The following MAP3K5 variants were observed in gnomAD, a reference collection of about 807,000 sequenced individuals.
MAP3K5 encodes mitogen-activated protein kinase kinase kinase 5, also known as ASK-1.
A neutral mutation model predicts 158.7 loss-of-function variants in MAP3K5; 56 were observed. The ratio of observed to expected loss-of-function variants is 0.35; its 90% confidence interval spans 0.28 to 0.44. MAP3K5 has a LOEUF of 0.44. Among genes scored for constraint, MAP3K5 ranks in the 20% least tolerant of loss-of-function variants. The probability of loss-of-function intolerance (pLI) is 1.00; values close to 1 mark genes in which losing one functional copy is unlikely to be tolerated. For missense variants in MAP3K5, 1,294 were observed against 1,674.8 expected, an observed-to-expected ratio of 0.77 and a Z score of 3.97; for synonymous variants, 579 against 601.7, an observed-to-expected ratio of 0.96 and a Z score of 0.55.
chr6:136,731,898 A>C (rs1582602449), intron 1 of MAP3K5, among the ~76,000 whole-genome samples: 1 of 152,248 alleles, frequency 6.6e-6, no homozygotes. Flanking sequence ...TTAATGGGAC[A>C]GAAAGATCTA....
intron 1 of MAP3K5, among the ~76,000 whole-genome samples, chr6:136,722,424 T>C (rs1266701764): frequency 6.6e-6 from 1 of 152,086 alleles, no homozygotes; most frequent in Non-Finnish European, 1.5e-5. Flanking sequence ...AACTCAGCAA[T>C]GATAAAAACA....
At chr6:136,787,390 C>T (rs886519801) in intron 1 of MAP3K5, among the ~76,000 whole-genome samples, 16 of 152,210 alleles carry the variant, frequency 1.1e-4, no homozygotes, top group African/African-American at 3.9e-4. Flanking sequence ...ATGATATATA[C>T]AAGCAGTTCA....
chr6:136,573,563 C>T (rs545740744), intron 25 of MAP3K5, among the ~76,000 whole-genome samples: 2 of 152,206 alleles, frequency 1.3e-5, no homozygotes, highest in East Asian at 3.8e-4. Context: ...TTTGCAGTGA[C>T]TGAATCCAGT....
intron 1 of MAP3K5, among the ~76,000 whole-genome samples, chr6:136,765,903 T>C (rs1272309258): frequency 6.6e-6 from 1 of 152,082 alleles, no homozygotes; most frequent in Admixed American, 6.6e-5. Context: ...AAATAGTAAG[T>C]GGCAGAGCCA....
At chr6:136,661,841 C>T (rs949713685) in intron 8 of MAP3K5, among the ~76,000 whole-genome samples, 1 of 152,152 alleles carries the variant, frequency 6.6e-6, no homozygotes, top group Non-Finnish European at 1.5e-5. Context: ...ATACCTGACC[C>T]AATAATAGTT....
chr6:136,763,519 T>C (rs1434381095), intron 1 of MAP3K5, among the ~76,000 whole-genome samples: 1 of 152,186 alleles, frequency 6.6e-6, no homozygotes, highest in African/African-American at 2.4e-5. Flanking sequence ...CTATAGAAAC[T>C]GAAAATTTAC....
intron 14 of MAP3K5, among the ~76,000 whole-genome samples, chr6:136,628,903 C>T (rs1777174224): frequency 6.6e-6 from 1 of 151,842 alleles, no homozygotes; most frequent in Admixed American, 6.6e-5. Flanking sequence ...CTGGTTCAGC[C>T]TAGAAGGACA....
At chr6:136,588,753 C>T (rs1301283315) in intron 23 of MAP3K5, among the ~76,000 whole-genome samples, 1 of 152,156 alleles carries the variant, frequency 6.6e-6, no homozygotes, top group Non-Finnish European at 1.5e-5. Context: ...CACCGTGAGC[C>T]AAAGGAAAGG....
In MAP3K5 at chr6:136,561,642, A is replaced by G. The variant is rs1324774952; in HGVS notation, c.3878T>C (p.Ile1293Thr). 1.3e-6 allele frequency: 2 copies of G among 1,582,628 alleles called. No individual in the cohort carries two copies. Among genetic ancestry groups the G allele is most frequent in the South Asian group, 2.2e-5 (2 of 90,436 alleles). The change falls in exon 28 of 30, where the codon ATT becomes ACT. Residue 1293 changes from isoleucine (I) to threonine (T), a missense_variant. Physicochemically the swap from Ile to Thr is moderately conservative, Grantham distance 89. This residue lies in a region of MAP3K5 where 199 missense variants were observed against 220.3 expected (regional missense o/e 0.90). Transcript: ENST00000359015. Reference protein sequence around the residue: ...HLKLKSQPIEIPELPVFHLNS... With the variant: ...HLKLKSQPIETPELPVFHLNS... ...TAGATGAAATACAGGCAATTCAGGAATTTCTAGAACAGAATTTTGGGAAGA... is the reference window on the plus strand; with the variant it reads ...TAGATGAAATACAGGCAATTCAGGAGTTTCTAGAACAGAATTTTGGGAAGA...
At position 136,694,264 on chromosome 6, in the gene MAP3K5, GA is replaced by G. The variant is rs774897805; in HGVS notation, c.1128del (p.Met378TrpfsTer15). On this transcript the variant is annotated frameshift_variant, in exon 7 of 30. Coordinates refer to ENST00000359015, the MANE Select transcript of MAP3K5 (RefSeq NM_005923.4). LOFTEE classifies it high-confidence loss of function. ...ACTTGTCCTTCGCTTTGCACCATGG[GA>G]ATCATAATATCAAGAGCTTTTGCTC... ...GDRAKALDIMIPMVQSEGQVA... is the reference protein window; with the variant it reads ...GDRAKALDIMXPMVQSEGQVA... 6.2e-7 allele frequency: 1 copy of G among 1,613,186 alleles called. No homozygotes were observed. Among genetic ancestry groups the G allele is most frequent in the African/African-American group, 1.3e-5 (1 of 75,046 alleles).
At chr6:136,573,216 G>T (rs9402825) in intron 25 of MAP3K5, among the ~76,000 whole-genome samples, 3,157 of 152,298 alleles carry the variant, frequency 0.021, 58 homozygotes, top group East Asian at 0.073. Context: ...AGAACAAAAA[G>T]ATGGAGAAAG....
chr6:136,775,120 T>TA (rs374651330), intron 1 of MAP3K5, among the ~76,000 whole-genome samples: 2 of 151,484 alleles, frequency 1.3e-5, no homozygotes, highest in East Asian at 1.9e-4. Context: ...AAATATGAAT[T>TA]AAAAAAAAAT....
At chr6:136,628,174 C>T (rs1487461467) in intron 14 of MAP3K5, among the ~76,000 whole-genome samples, 1 of 151,650 alleles carries the variant, frequency 6.6e-6, no homozygotes. Flanking sequence ...TGCAGTGGTG[C>T]CATCATAGCT....
intron 2 of MAP3K5, among the ~76,000 whole-genome samples, chr6:136,717,360 AT>A (rs1299858119): frequency 1.1e-4 from 17 of 152,050 alleles, no homozygotes; most frequent in Non-Finnish European, 1.9e-4. Context: ...ACAAAAAAAA[AT>A]TTTTTTCTAC....
intron 11 of MAP3K5, among the ~76,000 whole-genome samples, chr6:136,645,130 G>A (rs1383374467): frequency 2.0e-5 from 3 of 152,098 alleles, no homozygotes; most frequent in Non-Finnish European, 2.9e-5. Context: ...CGGGGGTCTT[G>A]CTACATTGCT....
chr6:136,732,656 G>A (rs1782278887), intron 1 of MAP3K5, among the ~76,000 whole-genome samples: 1 of 152,180 alleles, frequency 6.6e-6, no homozygotes, highest in African/African-American at 2.4e-5. Flanking sequence ...AGCACCACCT[G>A]AGCTTCTGCA....
At chr6:136,679,709 C>A (rs1030350650) in intron 7 of MAP3K5, among the ~76,000 whole-genome samples, 3 of 152,104 alleles carry the variant, frequency 2.0e-5, no homozygotes, top group African/African-American at 7.2e-5. Context: ...AAGAGAATCA[C>A]CCTATTTTTA....
At chr6:136,748,437 G>A (rs1462190387) in intron 1 of MAP3K5, among the ~76,000 whole-genome samples, 1 of 152,080 alleles carries the variant, frequency 6.6e-6, no homozygotes, top group African/African-American at 2.4e-5. Context: ...AGTCATAAAT[G>A]GGTTAAAATC....
chr6:136,638,610 G>A (rs1012979427), intron 13 of MAP3K5, among the ~76,000 whole-genome samples: 2 of 152,082 alleles, frequency 1.3e-5, no homozygotes, highest in African/African-American at 2.4e-5. Flanking sequence ...GAATTTAAGT[G>A]TAAGTAGAGA....
Sources: allele counts gnomAD v4.1 joint callset (sites outside exome capture counted in the v4.1 genomes callset), GRCh38; gene constraint gnomAD v4.1.1; regional missense constraint gnomAD v4.1.1; transcripts MANE v1.5; gene names NCBI Gene and HGNC (gene_info 2026-07-23, HGNC 2026-07-21).